The following KALRN variants were observed in gnomAD, a reference collection of about 807,000 sequenced individuals.
KALRN encodes kalirin.
Under a neutral mutation model 353.7 loss-of-function variants are expected in KALRN, and 70 were observed. The observed-to-expected ratio is 0.20, with a 90% CI of 0.16 to 0.24. The LOEUF is 0.24. Ranked by LOEUF, KALRN falls within the 10% of genes least tolerant of loss-of-function variation. KALRN has a pLI of 1.00. For synonymous variants in KALRN, 1,391 were observed against 1,434.8 expected (o/e 0.97, Z 0.69); for missense variants, 2,791 against 3,756.7 (o/e 0.74, Z 6.72).
chr3:124,092,352 C>T (rs1030888891), intron 1 of KALRN, among the ~76,000 whole-genome samples: 1 of 152,210 alleles, frequency 6.6e-6, no homozygotes, highest in African/African-American at 2.4e-5. Flanking sequence ...TCTAGGTCTC[C>T]TGCCATGATG....
At chr3:124,460,996 G>A (rs889535224) in intron 23 of KALRN, among the ~76,000 whole-genome samples, 4 of 152,122 alleles carry the variant, frequency 2.6e-5, no homozygotes, top group African/African-American at 4.8e-5. Flanking sequence ...CTACACATCC[G>A]TTTATGCTGT....
chr3:124,669,702 G>C (rs543395540), intron 47 of KALRN, among the ~76,000 whole-genome samples: 2 of 152,288 alleles, frequency 1.3e-5, no homozygotes, highest in East Asian at 3.9e-4. Context: ...GGTATCCACA[G>C]GGAATTGGTT....
intron 51 of KALRN, among the ~76,000 whole-genome samples, chr3:124,688,765 C>T (rs906793021): frequency 6.8e-6 from 1 of 146,498 alleles, no homozygotes; most frequent in Admixed American, 6.7e-5. Flanking sequence ...AGAATTTCAC[C>T]CTCACTCTTA....
chr3:124,282,929 A>G (rs2075492468), intron 5 of KALRN, among the ~76,000 whole-genome samples: 1 of 152,164 alleles, frequency 6.6e-6, no homozygotes, highest in South Asian at 2.1e-4. Context: ...AGAGGGGAGA[A>G]GGGGCAAAAT....
intron 3 of KALRN, among the ~76,000 whole-genome samples, chr3:124,253,194 C>T (rs1006838836): frequency 1.3e-5 from 2 of 152,150 alleles, no homozygotes; most frequent in African/African-American, 4.8e-5. Flanking sequence ...AAAGTTTGAA[C>T]AAAGTCTAGA....
intron 13 of KALRN, among the ~76,000 whole-genome samples, chr3:124,399,403 G>C (rs2150105081): frequency 6.6e-6 from 1 of 152,334 alleles, no homozygotes; most frequent in South Asian, 2.1e-4. Flanking sequence ...CTTCCAAAGT[G>C]CTGGGATTAC....
chr3:124,605,937 G>T (rs17233461), intron 34 of KALRN, among the ~76,000 whole-genome samples: 90,665 of 151,916 alleles, frequency 0.6, 27,273 homozygotes, highest in East Asian at 0.83. Flanking sequence ...AAAATGTAAT[G>T]CTTGCCGCAG....
rs190643083 is a variant in KALRN, at chr3:124,685,276, G to A, written c.7377+5759G>A. ...CTCCATGCAGACCGATTTATATTCC[G>A]CCACCAAGAGAAGGGAGCTGAGCTT... On this transcript the variant is annotated intron_variant, in intron 51 of 59. Coordinates refer to ENST00000682506, the MANE Select transcript of KALRN (RefSeq NM_001388419.1). Among the ~76,000 whole-genome samples the A allele has an allele frequency of 2.6e-3, 402 of 151,952 alleles. 1 individual carries two copies. The highest frequency in any genetic ancestry group is 9.2e-3 in the African/African-American group (383 of 41,424).
intron 34 of KALRN, among the ~76,000 whole-genome samples, chr3:124,608,732 C>A (rs2077622163): frequency 6.6e-6 from 1 of 152,172 alleles, no homozygotes; most frequent in Admixed American, 6.5e-5. Flanking sequence ...ATAACTGAAT[C>A]TTCTGTATTT....
intron 57 of KALRN, among the ~76,000 whole-genome samples, chr3:124,708,886 C>T (rs1341880371): frequency 1.3e-5 from 2 of 151,080 alleles, no homozygotes; most frequent in Admixed American, 1.3e-4. Flanking sequence ...GAGAAAAAAA[C>T]AACATATTAC....
At chr3:124,572,862 A>AC (rs1304451851) in intron 34 of KALRN, among the ~76,000 whole-genome samples, 17 of 151,846 alleles carry the variant, frequency 1.1e-4, no homozygotes, top group Admixed American at 5.9e-4. Flanking sequence ...ACAGAGCGAG[A>AC]CCCCGTCTCT....
intron 1 of KALRN, chr3:124,094,741 G>C (rs1361955466): frequency 6.0e-6 from 6 of 1,008,276 alleles, no homozygotes; most frequent in Non-Finnish European, 9.5e-6. Context: ...GGCTGTGTGC[G>C]AGCCCAGCGT....
Position 124,723,707 on chromosome 3 carries a change from A to C in KALRN, c.*4237A>C, listed in dbSNP as rs1426072287. The C allele has an allele frequency of 6.6e-6, 1 of 152,212 alleles. No individual in the cohort carries two copies. Among genetic ancestry groups the C allele is most frequent in the Non-Finnish European group, 1.5e-5 (1 of 68,028 alleles). 9.4% of individuals were successfully genotyped at this position (152,212 alleles called of 1,614,324 possible). A position where few individuals can be genotyped will look rare whatever the true frequency, so the allele number is the denominator to read the frequency against. ...GATCATTTAAGAGCTTGTCTACCGA[A>C]AAGGGTTAGGAGAGCTGATGAAGTC... is the stretch of plus-strand genomic sequence containing the variant. On this transcript the variant is annotated 3_prime_UTR_variant, in exon 60 of 60. Transcript: ENST00000682506.
At chr3:124,086,425 T>C (rs1316930844) in intron 1 of KALRN, among the ~76,000 whole-genome samples, 1 of 151,502 alleles carries the variant, frequency 6.6e-6, no homozygotes, top group East Asian at 1.9e-4. Flanking sequence ...TCCCTGATCA[T>C]TAGTAATGGT....
intron 1 of KALRN, among the ~76,000 whole-genome samples, chr3:124,062,285 A>G (rs13069934): frequency 0.6 from 90,463 of 152,032 alleles, 29,774 homozygotes; most frequent in Non-Finnish European, 0.75. Context: ...GACCAGATAA[A>G]CTCTGTGGTC....
chr3:124,530,817 C>A (rs2067980991), intron 33 of KALRN, among the ~76,000 whole-genome samples: 1 of 152,058 alleles, frequency 6.6e-6, no homozygotes, highest in African/African-American at 2.4e-5. Flanking sequence ...ATTTTTCCTG[C>A]CACTCTTTCA....
At chr3:124,531,593 G>A (rs971339330) in intron 33 of KALRN, among the ~76,000 whole-genome samples, 3 of 152,172 alleles carry the variant, frequency 2.0e-5, no homozygotes, top group African/African-American at 7.2e-5. Flanking sequence ...GGCTTCTAGG[G>A]AGGCCTCAGG....
At chr3:124,096,950 G>T (rs1040478697) in intron 1 of KALRN, among the ~76,000 whole-genome samples, 6 of 152,176 alleles carry the variant, frequency 3.9e-5, no homozygotes, top group African/African-American at 1.2e-4. Context: ...ACCACATATG[G>T]CTGTAATTTG....
In KALRN at chr3:124,460,701, C is replaced by G. The variant is rs144839496; in HGVS notation, c.3855-1189C>G. Among the ~76,000 whole-genome samples the G allele has an allele frequency of 5.6e-4, 85 of 152,290 alleles. No individual in the cohort carries two copies. The East Asian group carries it at 0.015, about 27-fold the overall frequency. ...TGAGACCTGGAGAGGCAAGTCCTAC[C>G]TCTGGTTGTAATTCAGTTCCTATCT... On this transcript the variant is annotated intron_variant, in intron 23 of 59. Transcript: ENST00000682506.
Sources: allele counts gnomAD v4.1 joint callset (sites outside exome capture counted in the v4.1 genomes callset), GRCh38; gene constraint gnomAD v4.1.1; transcripts MANE v1.5; gene names NCBI Gene and HGNC (gene_info 2026-07-23, HGNC 2026-07-21).